The following HLA-DPB1 variants were observed in gnomAD, a reference collection of about 807,000 sequenced individuals.
HLA-DPB1 encodes HLA class II histocompatibility antigen, DP beta 1 chain.
Under a neutral mutation model 29.4 loss-of-function variants are expected in HLA-DPB1, and 30 were observed. The ratio of observed to expected loss-of-function variants is 1.02; its 90% confidence interval spans 0.76 to 1.38. The LOEUF (loss-of-function observed/expected upper bound fraction) is 1.38, where lower values mean the gene tolerates loss of function less well. Ranked by LOEUF, HLA-DPB1 falls within the 40% of genes most tolerant of loss-of-function variation. The probability of loss-of-function intolerance (pLI) is 0.00; values close to 1 mark genes in which losing one functional copy is unlikely to be tolerated. For missense variants in HLA-DPB1, 261 were observed against 327.5 expected, an observed-to-expected ratio of 0.80 and a Z score of 1.57; for synonymous variants, 114 against 134.0, an observed-to-expected ratio of 0.85 and a Z score of 1.03.
At position 33,080,368 on chromosome 6, in the gene HLA-DPB1, G is replaced by A; in HGVS notation, c.101-304G>A. The stretch of plus-strand genomic sequence containing the variant: ...CAGTGACCCCACGTGAAACGTCTCC[G>A]CCTCCTCCAGCCACCAGCAGAAGGG... On this transcript the variant is annotated intron_variant, in intron 1 of 5. Coordinates refer to ENST00000418931, the MANE Select transcript of HLA-DPB1 (RefSeq NM_002121.6). This position sits in a 1 kb window ranked among gnomAD's most constrained non-coding sequence, Gnocchi z 4.3. 1.7e-6 allele frequency: 1 copy of A among 592,480 alleles called. No homozygotes were observed. Among genetic ancestry groups the A allele is most frequent in the Non-Finnish European group, 3.2e-6 (1 of 308,380 alleles). The allele number at this position is 592,480 out of a possible 1,614,324, so 36.7% of individuals were successfully genotyped here.
At chr6:33,086,123 T>G in intron 4 of HLA-DPB1, 96 bp from the exon 5 acceptor site, 2 of 1,131,316 alleles carry the variant, frequency 1.8e-6, no homozygotes, top group Non-Finnish European at 2.7e-6. Context: ...GTCCATTGAG[T>G]GATGGGCAAT....
At chr6:33,082,325 G>C (rs992877640) in intron 2 of HLA-DPB1, among the ~76,000 whole-genome samples, 26 of 152,114 alleles carry the variant, frequency 1.7e-4, no homozygotes, top group African/African-American at 5.8e-4. Context: ...AGCCTAAGGA[G>C]TGTGGGTTTC....
Position 33,076,048 on chromosome 6 carries a change from GT to G in HLA-DPB1, c.9del (p.Leu4CysfsTer12). On this transcript the variant is annotated frameshift_variant, in exon 1 of 6. Transcript: ENST00000418931. LOFTEE classifies it high-confidence loss of function. ...GCCATCCTTTTCCAGCTCCATGATGGTTCTGCAGGTTTCTGCGGCCCCCCGG... is the reference window on the plus strand; with the variant it reads ...GCCATCCTTTTCCAGCTCCATGATGGTCTGCAGGTTTCTGCGGCCCCCCGG... Reference protein sequence around the residue: MMVLQVSAAPRTV... With the variant: MMXLQVSAAPRTV... 6.2e-7 allele frequency: 1 copy of G among 1,611,692 alleles called. No individual in the cohort carries two copies. The highest frequency in any genetic ancestry group is 1.1e-5 in the South Asian group (1 of 90,640).
Position 33,085,168 on chromosome 6 carries a change from G to T in HLA-DPB1, c.583G>T (p.Gly195Ter), listed in dbSNP as rs771222927. The T allele has an allele frequency of 1.9e-6, 3 of 1,613,492 alleles. No individual in the cohort carries two copies. Residue 195 changes from glycine (G) to a stop codon, truncating the protein, a stop_gained, in exon 3 of 6, where the codon GGA (glycine) becomes TGA (stop). Transcript: ENST00000418931. LOFTEE classifies it high-confidence loss of function. Reference sequence around the variant, plus strand: ...GATGCTGGAAATGACCCCCCAGCAGGGAGATGTCTACACCTGCCAAGTGGA... The same window carrying T: ...GATGCTGGAAATGACCCCCCAGCAGTGAGATGTCTACACCTGCCAAGTGGA... ...LVMLEMTPQQ[G>*]DVYTCQVEHT...
Position 33,088,753 on chromosome 6 carries a change from G to T in HLA-DPB1, c.*2219G>T, listed in dbSNP as rs1037383439. 6.6e-6 allele frequency among the ~76,000 whole-genome samples: 1 copy of T among 152,302 alleles called. No homozygotes were observed. The highest frequency in any genetic ancestry group is 2.1e-4 in the South Asian group (1 of 4,832). On this transcript the variant is annotated 3_prime_UTR_variant, in exon 6 of 6. Coordinates refer to ENST00000418931, the MANE Select transcript of HLA-DPB1 (RefSeq NM_002121.6). Reference sequence around the variant, plus strand: ...GGTAGAGGAGTCTTGAGGTACATCAGTCATTGGAGTTGAAGAGCAGAGATT... The same window carrying T: ...GGTAGAGGAGTCTTGAGGTACATCATTCATTGGAGTTGAAGAGCAGAGATT...
Position 33,084,850 on chromosome 6 carries a change from AAGGAAGG to A in HLA-DPB1, c.365-98_365-92del, listed in dbSNP as rs1376111023. 7.9e-3 allele frequency: 1,972 copies of A among 249,178 alleles called. 439 individuals carry two copies. The African/African-American group carries it at 0.12, about 15-fold the overall frequency. The allele number at this position is 249,178 out of a possible 1,614,324, so 15.4% of individuals were successfully genotyped here. On this transcript the variant is annotated intron_variant, in intron 2 of 5. Coordinates refer to ENST00000418931, the MANE Select transcript of HLA-DPB1 (RefSeq NM_002121.6). ...AAGAGCGAGATTATGTCTCAAAAAAAAGGAAGGAAGGAAGGAAGGAAGGAAGGAAGGA... is the reference window on the plus strand; with the variant it reads ...AAGAGCGAGATTATGTCTCAAAAAAAAAGGAAGGAAGGAAGGAAGGAAGGA...
chr6:33,081,055 TG>T, intron 2 of HLA-DPB1, 120 bp downstream of exon 2: 1 of 1,130,516 alleles, frequency 8.8e-7, no homozygotes, highest in Admixed American at 2.9e-5. Flanking sequence ...GACTTTGGGT[TG>T]GGGATTCATG....
chr6:33,084,044 G>A (rs1762986664), intron 2 of HLA-DPB1: 1 of 125,924 alleles, frequency 7.9e-6, no homozygotes, highest in Admixed American at 7.3e-5. Flanking sequence ...GTTTTTGTAG[G>A]TGAGGTAAAA....
chr6:33,081,124 A>G lies in HLA-DPB1; in HGVS notation c.364+189A>G, dbSNP rs1411212591. ...GAGCGCGGGGACCTGGACTGGGCTG[A>G]GCATGGAGTGAGGAGGACGAGAGCA... On this transcript the variant is annotated intron_variant, in intron 2 of 5. Coordinates refer to ENST00000418931, the MANE Select transcript of HLA-DPB1 (RefSeq NM_002121.6). The G allele has an allele frequency of 4.6e-6, 3 of 651,836 alleles. No homozygotes were observed. The East Asian group carries it at 8.4e-5, about 18-fold the overall frequency. 40.4% of individuals were successfully genotyped at this position (651,836 alleles called of 1,614,324 possible). A position where few individuals can be genotyped will look rare whatever the true frequency, so the allele number is the denominator to read the frequency against.
intron 1 of HLA-DPB1, among the ~76,000 whole-genome samples, chr6:33,078,128 C>G (rs1193043067): frequency 2.0e-5 from 3 of 151,916 alleles, no homozygotes; most frequent in Non-Finnish European, 4.4e-5. Context: ...CAAGGAAACC[C>G]AGAGGTGGGG....
chr6:33,088,988 C>T lies in HLA-DPB1; in HGVS notation c.*2454C>T, dbSNP rs9277564. 0.38 allele frequency among the ~76,000 whole-genome samples: 57,469 copies of T among 151,510 alleles called. 12,310 individuals are homozygous for T. The highest frequency in any genetic ancestry group is 0.64 in the East Asian group (3,267 of 5,118). On this transcript the variant is annotated 3_prime_UTR_variant, in exon 6 of 6. Transcript: ENST00000418931. ...AGAAGGTGGTCCACCCAACAGACAA[C>T]ACTGCCTCAGATGGTTATCAAGGGG...
In HLA-DPB1 at chr6:33,080,993, G is replaced by A. The variant is rs1762837576; in HGVS notation, c.364+58G>A. 6.7e-7 allele frequency: 1 copy of A among 1,494,082 alleles called. No homozygotes were observed. The highest frequency in any genetic ancestry group is 8.9e-7 in the Non-Finnish European group (1 of 1,128,198). The allele number at this position is 1,494,082 out of a possible 1,614,324, so 92.6% of individuals were successfully genotyped here. A position where few individuals can be genotyped will look rare whatever the true frequency, so the allele number is the denominator to read the frequency against. On this transcript the variant is annotated intron_variant, in intron 2 of 5. Coordinates refer to ENST00000418931, the MANE Select transcript of HLA-DPB1 (RefSeq NM_002121.6). The surrounding 1 kb of genome is among the most constrained non-coding windows in gnomAD (Gnocchi z 4.3). ...GCAGCCCCGCGGGCCCGTGCCCAGGGCGCAGGAGCAGCCGGGTTGGCCTAA... is the reference window on the plus strand; with the variant it reads ...GCAGCCCCGCGGGCCCGTGCCCAGGACGCAGGAGCAGCCGGGTTGGCCTAA...
intron 2 of HLA-DPB1, among the ~76,000 whole-genome samples, chr6:33,083,293 G>A (rs375585307): frequency 6.6e-6 from 1 of 152,160 alleles, no homozygotes; most frequent in African/African-American, 2.4e-5. Flanking sequence ...GTGTTCTCCA[G>A]GAAGTAGAAA....
chr6:33,076,019 T>G lies in HLA-DPB1; in HGVS notation c.-23T>G. 1 of 1,590,038 alleles carries G rather than the reference T, an allele frequency of 6.3e-7. No homozygotes were observed. Among genetic ancestry groups the G allele is most frequent in the Non-Finnish European group, 8.6e-7 (1 of 1,162,600 alleles). On this transcript the variant is annotated 5_prime_UTR_variant, in exon 1 of 6. Coordinates refer to ENST00000418931, the MANE Select transcript of HLA-DPB1 (RefSeq NM_002121.6). ...CTTTTCCTGACTGCAGCTCTTTTCA[T>G]TTTGCCATCCTTTTCCAGCTCCATG...
Position 33,080,515 on chromosome 6 carries a change from G to A in HLA-DPB1, c.101-157G>A, listed in dbSNP as rs750089900. On this transcript the variant is annotated intron_variant, in intron 1 of 5. Transcript: ENST00000418931. The surrounding 1 kb of genome is among the most constrained non-coding windows in gnomAD (Gnocchi z 4.3). ...CAGGCCTGGAGAGGCTCTGCGACCC[G>A]CTTAGGACCACAGAACTCGGTACTA... 2 of 1,081,192 alleles carry A rather than the reference G, an allele frequency of 1.8e-6. No homozygotes were observed. The highest frequency in any genetic ancestry group is 1.4e-6 in the Non-Finnish European group (1 of 719,314). 67.0% of individuals were successfully genotyped at this position (1,081,192 alleles called of 1,614,324 possible). A position where few individuals can be genotyped will look rare whatever the true frequency, so the allele number is the denominator to read the frequency against.
chr6:33,083,401 A>G (rs1403428659), intron 2 of HLA-DPB1: 2 of 152,222 alleles, frequency 1.3e-5, no homozygotes, highest in East Asian at 1.9e-4. Flanking sequence ...GCTGTTCTCT[A>G]GTGGATCTCC....
chr6:33,077,099 A>T (rs374996460), intron 1 of HLA-DPB1, among the ~76,000 whole-genome samples: 1 of 116,570 alleles, frequency 8.6e-6, no homozygotes, highest in African/African-American at 3.4e-5. Context: ...GCCCCGGTGT[A>T]TGATGTTCCC....
Position 33,080,900 on chromosome 6 carries a change from A to G in HLA-DPB1, c.329A>G (p.Tyr110Cys). ...AVPDRMCRHN[Y>C]ELGGPMTLQR... ...CCGGACAGGATGTGCAGACACAACT[A>G]CGAGCTGGGCGGGCCCATGACCCTG... The change falls in exon 2 of 6, where the codon TAC (tyrosine) becomes TGC (cysteine). Residue 110 changes from tyrosine to cysteine, a missense_variant. Physicochemically the swap from Tyr to Cys is radical, Grantham distance 194. Transcript: ENST00000418931. This position sits in a 1 kb window ranked among gnomAD's most constrained non-coding sequence, Gnocchi z 4.3. The G allele has an allele frequency of 6.2e-7, 1 of 1,607,844 alleles. No homozygotes were observed. The highest frequency in any genetic ancestry group is 8.5e-7 in the Non-Finnish European group (1 of 1,177,342).
rs374996460 is a variant in HLA-DPB1 at position 33,077,099 on chromosome 6, A to G, written c.100+958A>G. The stretch of plus-strand genomic sequence containing the variant: ...CCCACCCCACAACAGGCCCCGGTGT[A>G]TGATGTTCCCCTTCCTGTGTCCATG... On this transcript the variant is annotated intron_variant, in intron 1 of 5. Transcript: ENST00000418931. Among the ~76,000 whole-genome samples the G allele has an allele frequency of 3.8e-3, 445 of 116,592 alleles. 3 individuals are homozygous for G. The highest frequency in any genetic ancestry group is 0.028 in the East Asian group (107 of 3,860). The allele number at this position is 116,592 out of a possible 152,430, so 76.5% of individuals were successfully genotyped here. A position where few individuals can be genotyped will look rare whatever the true frequency, so the allele number is the denominator to read the frequency against.
Sources: allele counts gnomAD v4.1 joint callset (sites outside exome capture counted in the v4.1 genomes callset), GRCh38; gene constraint gnomAD v4.1.1; non-coding constraint Gnocchi (gnomAD v3.1); transcripts MANE v1.5; gene names NCBI Gene and HGNC (gene_info 2026-07-23, HGNC 2026-07-21).